The following ECPAS variants were observed in gnomAD, a reference collection of about 807,000 sequenced individuals.
The protein encoded by ECPAS is Ecm29 proteasome adaptor and scaffold, also known as proteasome adapter and scaffold protein ECM29.
Under a neutral mutation model 255.1 loss-of-function variants are expected in ECPAS, and 70 were observed. That is an observed-to-expected ratio of 0.27 (90% CI 0.23 to 0.33). The LOEUF is 0.33. ECPAS is among the 10% of genes least tolerant of loss of function. ECPAS has a pLI of 1.00. For missense variants in ECPAS, 1,817 were observed against 2,206.4 expected (o/e 0.82, Z 3.54); for synonymous variants, 784 against 775.0 (o/e 1.01, Z -0.19).
intron 23 of ECPAS, among the ~76,000 whole-genome samples, chr9:111,409,319 G>C (rs1373759174): frequency 6.6e-6 from 1 of 152,150 alleles, no homozygotes; most frequent in Non-Finnish European, 1.5e-5. Flanking sequence ...AGCACTTTCG[G>C]AAGCCGAGGC....
chr9:111,478,990 TCTGA>T (rs1181325296), intron 1 of ECPAS, among the ~76,000 whole-genome samples: 19 of 152,268 alleles, frequency 1.2e-4, no homozygotes, highest in Admixed American at 9.2e-4. Flanking sequence ...TCATACACAC[TCTGA>T]CTATGGTGCA....
At chr9:111,412,368 TCA>T (rs1270278888) in intron 20 of ECPAS, among the ~76,000 whole-genome samples, 28 of 152,316 alleles carry the variant, frequency 1.8e-4, no homozygotes, top group Admixed American at 5.2e-4. Flanking sequence ...TGAAATTTAT[TCA>T]CAGATGATCT....
In ECPAS at chr9:111,428,013, G is replaced by A. The variant is rs1258015729; in HGVS notation, c.1050+29C>T. ...AAATAGACATAAAAGTTGCAGACAG[G>A]CCAATATTCTCTGGAAAAAACAAAT... On this transcript the variant is annotated intron_variant, in intron 10 of 49. Transcript: ENST00000684092. 7 of 1,605,558 alleles carry A rather than the reference G, an allele frequency of 4.4e-6. No homozygotes were observed. The Admixed American group carries it at 6.8e-5, about 16-fold the overall frequency.
chr9:111,414,844 A>C (rs997003839), intron 18 of ECPAS, among the ~76,000 whole-genome samples, 193 bp from the exon 19 acceptor site: 1 of 152,212 alleles, frequency 6.6e-6, no homozygotes, highest in Non-Finnish European at 1.5e-5. Context: ...AATCCAAAGA[A>C]TTTTTTAAGA....
chr9:111,462,668 A>G (rs1313911823), intron 2 of ECPAS, among the ~76,000 whole-genome samples: 1 of 152,112 alleles, frequency 6.6e-6, no homozygotes, highest in Non-Finnish European at 1.5e-5. Flanking sequence ...ATAGTCCTTT[A>G]CAGAGAAAAT....
chr9:111,372,755 G>T, intron 41 of ECPAS, 135 bp from the exon 42 acceptor site: 1 of 754,220 alleles, frequency 1.3e-6, no homozygotes, highest in Non-Finnish European at 2.1e-6. Context: ...AGCAGGCTGG[G>T]TTGTGGTGGC....
At chr9:111,453,992 TTAA>T (rs911550683) in intron 2 of ECPAS, among the ~76,000 whole-genome samples, 2 of 151,764 alleles carry the variant, frequency 1.3e-5, no homozygotes, top group Non-Finnish European at 1.5e-5. Context: ...GTTTAAAAAA[TTAA>T]TAATAAAAAG....
chr9:111,440,580 A>G (rs768334329), intron 5 of ECPAS, 59 bp from the exon 6 acceptor site: 126 of 1,336,064 alleles, frequency 9.4e-5, no homozygotes, highest in Non-Finnish European at 1.3e-4. Context: ...TATACATGCA[A>G]AACACAGACA....
chr9:111,421,147 G>A (rs1238788592), intron 15 of ECPAS, among the ~76,000 whole-genome samples: 1 of 152,056 alleles, frequency 6.6e-6, no homozygotes, highest in East Asian at 1.9e-4. Flanking sequence ...CTTGACAATA[G>A]GACTCCATCA....
intron 13 of ECPAS, among the ~76,000 whole-genome samples, chr9:111,422,902 C>T (rs1294945718): frequency 6.6e-6 from 1 of 152,158 alleles, no homozygotes; most frequent in Non-Finnish European, 1.5e-5. Flanking sequence ...GCAACAAAAA[C>T]ACTTAAGGTC....
chr9:111,422,333 C>CA, intron 13 of ECPAS, 133 bp from the exon 14 acceptor site: 1 of 833,118 alleles, frequency 1.2e-6, no homozygotes, highest in South Asian at 1.8e-5. Context: ...CTCTGAGAGC[C>CA]AAAAATTTTT....
In ECPAS at chr9:111,416,180, A is replaced by G; in HGVS notation, c.1764+92T>C. On this transcript the variant is annotated intron_variant, in intron 18 of 49. Transcript: ENST00000684092. ...TGACACCACAATATGGGTTTACCTA[A>G]AACACAACAAAATGACAGACCCCTC... The G allele has an allele frequency of 3.3e-6, 3 of 901,118 alleles. No homozygotes were observed. The South Asian group carries it at 4.5e-5, about 13-fold the overall frequency. The allele number at this position is 901,118 out of a possible 1,614,324, so 55.8% of individuals were successfully genotyped here.
chr9:111,394,117 A>G, intron 26 of ECPAS, 43 bp downstream of exon 26: 2 of 1,538,314 alleles, frequency 1.3e-6, no homozygotes, highest in Non-Finnish European at 1.7e-6. Flanking sequence ...TACTTATAAT[A>G]CTGTGGTTTC....
intron 5 of ECPAS, among the ~76,000 whole-genome samples, chr9:111,441,716 T>A (rs1357098366): frequency 2.6e-5 from 4 of 152,320 alleles, no homozygotes; most frequent in Non-Finnish European, 1.5e-5. Context: ...ACTTGTAAAC[T>A]TCTTCTGTAT....
In ECPAS at chr9:111,436,928, C is replaced by T. The variant is rs1247969929; in HGVS notation, c.708+12G>A. ...CAATCAACTACTATTATGAGCAAGCCTTGTGTGATACCTGTTCCAATTGTT... is the reference window on the plus strand; with the variant it reads ...CAATCAACTACTATTATGAGCAAGCTTTGTGTGATACCTGTTCCAATTGTT... On this transcript the variant is annotated intron_variant, in intron 7 of 49. Transcript: ENST00000684092. 1 of 1,588,824 alleles carries T rather than the reference C, an allele frequency of 6.3e-7. No homozygotes were observed. Among genetic ancestry groups the T allele is most frequent in the Non-Finnish European group, 8.5e-7 (1 of 1,169,848 alleles).
intron 1 of ECPAS, among the ~76,000 whole-genome samples, chr9:111,481,607 A>G (rs1293931172): frequency 6.6e-6 from 1 of 152,224 alleles, no homozygotes; most frequent in African/African-American, 2.4e-5. Context: ...GTATGTACCC[A>G]AAAGAACTGA....
intron 2 of ECPAS, among the ~76,000 whole-genome samples, chr9:111,458,698 A>G (rs1480778981): frequency 2.6e-5 from 4 of 152,072 alleles, no homozygotes; most frequent in African/African-American, 9.7e-5. Context: ...CCAATCAATC[A>G]ATCACACCTG....
intron 29 of ECPAS, among the ~76,000 whole-genome samples, chr9:111,390,954 T>C (rs962540152): frequency 6.6e-6 from 1 of 152,194 alleles, no homozygotes; most frequent in Non-Finnish European, 1.5e-5. Flanking sequence ...CTGACAGCTG[T>C]TGGCCTAGTC....
intron 31 of ECPAS, among the ~76,000 whole-genome samples, chr9:111,387,953 C>G (rs748269330): frequency 1.3e-5 from 2 of 152,134 alleles, no homozygotes; most frequent in Non-Finnish European, 2.9e-5. Flanking sequence ...TCTTTTTATC[C>G]CCAGTACCTT....
Sources: allele counts gnomAD v4.1 joint callset (sites outside exome capture counted in the v4.1 genomes callset), GRCh38; gene constraint gnomAD v4.1.1; transcripts MANE v1.5; gene names NCBI Gene and HGNC (gene_info 2026-07-23, HGNC 2026-07-21).